Variants in ABCC1 observed in about 807,000 individuals in gnomAD.
The protein encoded by ABCC1 is multidrug resistance-associated protein 1.
In ABCC1, 83 loss-of-function variants were observed where a neutral mutation model predicts 172.9. That is an observed-to-expected ratio of 0.48 (90% CI 0.40 to 0.58). ABCC1 has a LOEUF of 0.58. Ranked by LOEUF, ABCC1 falls within the 20% of genes least tolerant of loss-of-function variation. ABCC1 has a pLI of 0.00. For missense variants in ABCC1, 1,817 were observed against 2,002.7 expected, an observed-to-expected ratio of 0.91 and a Z score of 1.77; for synonymous variants, 937 against 825.2, an observed-to-expected ratio of 1.14 and a Z score of -2.32.
chr16:16,019,100 T>A (rs899153150), intron 5 of ABCC1, among the ~76,000 whole-genome samples: 2 of 152,052 alleles, frequency 1.3e-5, no homozygotes, highest in Non-Finnish European at 1.5e-5. Flanking sequence ...TGTTGTTTTT[T>A]TCTGTTGTTT....
At chr16:16,006,708 A>G (rs1397673088) in intron 1 of ABCC1, among the ~76,000 whole-genome samples, 1 of 152,206 alleles carries the variant, frequency 6.6e-6, no homozygotes, top group African/African-American at 2.4e-5. Flanking sequence ...TGGACACAGT[A>G]TTTAACCCTT....
At chr16:16,017,474 A>G (rs1425290317) in intron 5 of ABCC1, among the ~76,000 whole-genome samples, 1 of 152,064 alleles carries the variant, frequency 6.6e-6, no homozygotes, top group African/African-American at 2.4e-5. Context: ...ACATAGGTAG[A>G]TGTGTGCCAT....
chr16:16,141,266 C>CGCCG lies in ABCC1; in HGVS notation c.4584_4587dup (p.Leu1530ArgfsTer41). On this transcript the variant is annotated frameshift_variant, in exon 31 of 31. Coordinates refer to ENST00000399410, the MANE Select transcript of ABCC1 (RefSeq NM_004996.4). LOFTEE classifies it high-confidence loss of function. ...GTCTTTTCTACAGCATGGCCAAAGA[C>CGCCG]GCCGGCTTGGTGTGAGCCCCAGAGC... The CGCCG allele has an allele frequency of 6.2e-7, 1 of 1,613,994 alleles. No individual in the cohort carries two copies. Among genetic ancestry groups the CGCCG allele is most frequent in the Non-Finnish European group, 8.5e-7 (1 of 1,180,018 alleles).
At chr16:16,064,635 C>G (rs2050046557) in intron 12 of ABCC1, among the ~76,000 whole-genome samples, 1 of 152,210 alleles carries the variant, frequency 6.6e-6, no homozygotes, top group Non-Finnish European at 1.5e-5. Flanking sequence ...GCCTGGTTTG[C>G]TTCACTGCTG....
intron 1 of ABCC1, among the ~76,000 whole-genome samples, chr16:15,996,453 G>A (rs2047059961): frequency 6.6e-6 from 1 of 152,182 alleles, no homozygotes; most frequent in Non-Finnish European, 1.5e-5. Flanking sequence ...TGGTTGAATT[G>A]GGAGTGGATG....
Position 16,115,088 on chromosome 16 carries a change from G to A in ABCC1, c.3390+12G>A, listed in dbSNP as rs754399874. 11 of 1,611,500 alleles carry A rather than the reference G, an allele frequency of 6.8e-6. No homozygotes were observed. The Admixed American group carries it at 1.8e-4, about 27-fold the overall frequency. ...ACTTCTTCGTCCAGGTAAGGGGTGA[G>A]GTCTTAGTGTTCGGGACAAGCCCTA... On this transcript the variant is annotated intron_variant, in intron 23 of 30. Coordinates refer to ENST00000399410, the MANE Select transcript of ABCC1 (RefSeq NM_004996.4).
chr16:16,056,100 C>T lies in ABCC1; in HGVS notation c.1482C>T (p.His494=), dbSNP rs764653222. ...AMKTKTYQVA[H]MKSKDNRIKL... is the part of the protein sequence containing the mutation. The stretch of plus-strand genomic sequence containing the variant: ...TGCCCGTCTCTTCCAAGGTGGCCCA[C>T]ATGAAGAGCAAAGACAATCGGATCA... The change falls in exon 12 of 31, where the codon CAC becomes CAT. Residue 494 remains histidine, a synonymous_variant. Coordinates refer to ENST00000399410, the MANE Select transcript of ABCC1 (RefSeq NM_004996.4). 6.2e-7 allele frequency: 1 copy of T among 1,614,080 alleles called. No homozygotes were observed. The highest frequency in any genetic ancestry group is 1.1e-5 in the South Asian group (1 of 91,076).
intron 2 of ABCC1, among the ~76,000 whole-genome samples, chr16:16,008,952 GTTTT>G (rs1276938743): frequency 8.0e-6 from 1 of 124,528 alleles, no homozygotes; most frequent in Admixed American, 7.9e-5. Context: ...TTTTGTTGTT[GTTTT>G]TTGTTTTTTT....
intron 1 of ABCC1, among the ~76,000 whole-genome samples, chr16:15,993,638 C>T (rs753045717): frequency 6.6e-6 from 1 of 151,808 alleles, no homozygotes; most frequent in African/African-American, 2.4e-5. Flanking sequence ...CAAATACCAG[C>T]GGTTCTGAGG....
chr16:16,055,746 T>C (rs2049623205), intron 11 of ABCC1, among the ~76,000 whole-genome samples: 1 of 151,782 alleles, frequency 6.6e-6, no homozygotes, highest in Admixed American at 6.6e-5. Flanking sequence ...GGGTTTTTTT[T>C]TTCTTGATAG....
intron 12 of ABCC1, among the ~76,000 whole-genome samples, chr16:16,061,240 A>G (rs2049896985): frequency 6.6e-6 from 1 of 152,178 alleles, no homozygotes; most frequent in African/African-American, 2.4e-5. Context: ...TACTTTATAA[A>G]GTAGGAAGTA....
chr16:15,983,925 T>C (rs939118006), intron 1 of ABCC1, among the ~76,000 whole-genome samples: 1 of 152,144 alleles, frequency 6.6e-6, no homozygotes, highest in Non-Finnish European at 1.5e-5. Flanking sequence ...ACTGTTCTGT[T>C]TCTCACTGTG....
intron 1 of ABCC1, among the ~76,000 whole-genome samples, chr16:15,961,716 A>T (rs1188434275): frequency 6.8e-6 from 1 of 146,916 alleles, no homozygotes. Context: ...ACCAGTGTTG[A>T]TTTTCTTGCC....
chr16:16,105,458 T>C (rs1308302508), intron 20 of ABCC1: 1 of 152,184 alleles, frequency 6.6e-6, no homozygotes, highest in Non-Finnish European at 1.5e-5. Flanking sequence ...ACAGATCTCA[T>C]GGGTAAGGAA....
At chr16:16,126,149 C>T (rs2045422879) in intron 26 of ABCC1, among the ~76,000 whole-genome samples, 1 of 152,162 alleles carries the variant, frequency 6.6e-6, no homozygotes, top group African/African-American at 2.4e-5. Flanking sequence ...CTGTGGGATG[C>T]TGTCAGGGCA....
chr16:16,046,869 C>G (rs2080014756), intron 9 of ABCC1, among the ~76,000 whole-genome samples: 1 of 151,274 alleles, frequency 6.6e-6, no homozygotes, highest in South Asian at 2.1e-4. Context: ...GATTCTCAGG[C>G]CTGTCTGTGA....
rs577304145 is a variant in ABCC1 at position 16,141,098 on chromosome 16, C to G, written c.4488-75C>G. 44 of 1,330,720 alleles carry G rather than the reference C, an allele frequency of 3.3e-5. No individual in the cohort carries two copies. In the South Asian group the frequency reaches 5.0e-4, roughly 15 times the overall value. 82.4% of individuals were successfully genotyped at this position (1,330,720 alleles called of 1,614,324 possible). ...GGCCTGACCCGAAGCAGTGACTTGC[C>G]CAGGTCAGTTGTCCCAGGGGCACGA... is the stretch of plus-strand genomic sequence containing the variant. On this transcript the variant is annotated intron_variant, in intron 30 of 30. Coordinates refer to ENST00000399410, the MANE Select transcript of ABCC1 (RefSeq NM_004996.4).
chr16:16,098,504 A>G (rs756110502), intron 19 of ABCC1, among the ~76,000 whole-genome samples: 1 of 152,218 alleles, frequency 6.6e-6, no homozygotes, highest in Non-Finnish European at 1.5e-5. Context: ...CTGTAATCCC[A>G]GCTATTTGGG....
chr16:16,133,301 A>G (rs1008007061), intron 27 of ABCC1, among the ~76,000 whole-genome samples: 3 of 152,236 alleles, frequency 2.0e-5, no homozygotes, highest in Non-Finnish European at 4.4e-5. Context: ...AGCTCAGAAC[A>G]TTCTGTTCCC....
Sources: allele counts gnomAD v4.1 joint callset (sites outside exome capture counted in the v4.1 genomes callset), GRCh38; gene constraint gnomAD v4.1.1; transcripts MANE v1.5; gene names NCBI Gene and HGNC (gene_info 2026-07-23, HGNC 2026-07-21).